SMARCC2: variants seen among roughly 807,000 people sequenced by gnomAD.
The protein encoded by SMARCC2 is SWI/SNF complex subunit SMARCC2.
Under a neutral mutation model 151.3 loss-of-function variants are expected in SMARCC2, and 15 were observed. The observed-to-expected ratio is 0.10, with a 90% CI of 0.07 to 0.15. SMARCC2 has a LOEUF of 0.15. SMARCC2 is among the 10% of genes least tolerant of loss of function. The pLI, the probability that SMARCC2 is intolerant of heterozygous loss-of-function variation, is 1.00. For synonymous variants in SMARCC2, 590 were observed against 609.5 expected, an observed-to-expected ratio of 0.97 and a Z score of 0.47; for missense variants, 1,031 against 1,599.7, an observed-to-expected ratio of 0.64 and a Z score of 6.06.
At chr12:56,184,009 A>G in intron 6 of SMARCC2, 79 bp from the exon 7 acceptor site, 2 of 1,144,090 alleles carry the variant, frequency 1.7e-6, no homozygotes, top group Non-Finnish European at 2.6e-6. Context: ...GCCCTAACTA[A>G]TGCACTCTCC....
chr12:56,173,499 G>A (rs1479188862), intron 17 of SMARCC2, among the ~76,000 whole-genome samples, 197 bp downstream of exon 17: 2 of 152,138 alleles, frequency 1.3e-5, no homozygotes, highest in African/African-American at 2.4e-5. Context: ...TTCTCCCTCA[G>A]CAATTACAGC....
Position 56,186,157 on chromosome 12 carries a change from T to G in SMARCC2, c.315A>C (p.Gly105=). Residue 105 remains glycine, a splice_region_variant and synonymous_variant, in exon 3 of 29, where the codon GGA becomes GGC. Coordinates refer to ENST00000550164, the MANE Select transcript of SMARCC2 (RefSeq NM_001330288.2). ...AAGAATAGAGAGAATCATCTCACCA[T>G]CCCTGGTCACTCTTGAATTTGTAGG... The part of the protein sequence containing the change: ...AAAYKFKSDQ[G]WRRYDFQNPS... The G allele has an allele frequency of 3.8e-6, 6 of 1,596,674 alleles. No individual in the cohort carries two copies. Among genetic ancestry groups the G allele is most frequent in the Non-Finnish European group, 5.2e-6 (6 of 1,164,120 alleles).
intron 16 of SMARCC2, among the ~76,000 whole-genome samples, chr12:56,174,348 G>C (rs1874529285): frequency 6.6e-6 from 1 of 152,160 alleles, no homozygotes; most frequent in Non-Finnish European, 1.5e-5. Flanking sequence ...CTGGGCTCCA[G>C]CAATCCTCCC....
intron 26 of SMARCC2, among the ~76,000 whole-genome samples, chr12:56,167,717 G>A (rs1373299082): frequency 2.0e-5 from 3 of 151,962 alleles, no homozygotes; most frequent in South Asian, 2.1e-4. Flanking sequence ...ACCAACTAGA[G>A]TCCCTGCCTC....
At chr12:56,167,545 T>C (rs1873036200) in intron 26 of SMARCC2, among the ~76,000 whole-genome samples, 2 of 152,102 alleles carry the variant, frequency 1.3e-5, no homozygotes, top group Non-Finnish European at 2.9e-5. Flanking sequence ...GACAAAATGG[T>C]TCAACACTGT....
chr12:56,166,957 G>A (rs148373390), intron 26 of SMARCC2, among the ~76,000 whole-genome samples: 2,160 of 151,852 alleles, frequency 0.014, 108 homozygotes, highest in Admixed American at 0.1. Context: ...CCAGCTACTC[G>A]GGAGGTGAGG....
In SMARCC2 at chr12:56,172,481, C is replaced by A; in HGVS notation, c.1873G>T (p.Ala625Ser). ...GTCCACTCACGAGTGGCACTGGCTG[C>A]AGCCTTGCTCTGCAGGGGAAACACA... ...KKNVPSKSKAAASATREWTEQ... is the reference protein window; with the variant it reads ...KKNVPSKSKASASATREWTEQ... Residue 625 changes from alanine (A) to serine (S), a missense_variant, in exon 20 of 29, where the codon GCA becomes TCA. Ala to Ser is a moderately conservative substitution (Grantham distance 99, BLOSUM62 1). This residue lies in a region of SMARCC2 where 99 missense variants were observed against 148.3 expected (regional missense o/e 0.67). Transcript: ENST00000550164. 1 of 1,599,394 alleles carries A rather than the reference C, an allele frequency of 6.3e-7. No individual in the cohort carries two copies. The highest frequency in any genetic ancestry group is 8.5e-7 in the Non-Finnish European group (1 of 1,171,134).
chr12:56,162,563 G>A lies in SMARCC2; in HGVS notation c.*1126C>T. 2.1e-6 allele frequency: 1 copy of A among 475,824 alleles called. No individual in the cohort carries two copies. Among genetic ancestry groups the A allele is most frequent in the South Asian group, 3.1e-5 (1 of 32,434 alleles). The allele number at this position is 475,824 out of a possible 1,614,324, so 29.5% of individuals were successfully genotyped here. On this transcript the variant is annotated 3_prime_UTR_variant, in exon 29 of 29. Transcript: ENST00000550164. ...AGTCACACCTGCCTTCCCGTCACAGGGGAGAAGCTGGGACACGTGGAGCAG... is the reference window on the plus strand; with the variant it reads ...AGTCACACCTGCCTTCCCGTCACAGAGGAGAAGCTGGGACACGTGGAGCAG...
Position 56,178,002 on chromosome 12 carries a change from A to G in SMARCC2, c.1382+20T>C. On this transcript the variant is annotated intron_variant, in intron 15 of 28. Transcript: ENST00000550164. ...GGGGACAGGAGGGAGAAGGAGAATC[A>G]TGAGATGAGATTTCCTTACATCTCT... 3.3e-6 allele frequency: 5 copies of G among 1,535,846 alleles called. No homozygotes were observed. Among genetic ancestry groups the G allele is most frequent in the Non-Finnish European group, 4.5e-6 (5 of 1,112,570 alleles).
intron 18 of SMARCC2, 107 bp from the exon 19 acceptor site, chr12:56,172,811 C>T: frequency 1.9e-6 from 3 of 1,560,078 alleles, no homozygotes; most frequent in Non-Finnish European, 2.6e-6. Context: ...AAGCCAGGGA[C>T]ACCCCTGGGT....
intron 26 of SMARCC2, among the ~76,000 whole-genome samples, chr12:56,167,268 T>C (rs976192050): frequency 6.6e-6 from 1 of 151,534 alleles, no homozygotes; most frequent in Non-Finnish European, 1.5e-5. Flanking sequence ...GGAGAATCGC[T>C]TCCCAGGAGG....
chr12:56,187,847 C>T (rs897833651), intron 1 of SMARCC2, among the ~76,000 whole-genome samples: 3 of 152,118 alleles, frequency 2.0e-5, no homozygotes, highest in Non-Finnish European at 4.4e-5. Context: ...CATAGGCCCT[C>T]CTAGACAGGA....
intron 15 of SMARCC2, among the ~76,000 whole-genome samples, 173 bp downstream of exon 15, chr12:56,177,849 A>T (rs1875332813): frequency 6.6e-6 from 1 of 152,260 alleles, no homozygotes; most frequent in Admixed American, 6.5e-5. Flanking sequence ...ATGTGTCTAC[A>T]TGCTAGGCCA....
At chr12:56,186,468 A>G in intron 2 of SMARCC2, 1 of 498,950 alleles carries the variant, frequency 2.0e-6, no homozygotes, top group Non-Finnish European at 3.6e-6. Flanking sequence ...CTCCTGTCTC[A>G]GCCTCCTGAG....
chr12:56,167,254 G>C (rs1017810229), intron 26 of SMARCC2, among the ~76,000 whole-genome samples: 4 of 151,720 alleles, frequency 2.6e-5, no homozygotes, highest in Non-Finnish European at 5.9e-5. Flanking sequence ...GGGAGGCTGA[G>C]GCAGGAGAAT....
chr12:56,186,163 G>A lies in SMARCC2; in HGVS notation c.309C>T (p.Asp103=), dbSNP rs1877200899. ...ILAAAYKFKS[D]QGWRRYDFQN... ...AGAGAGAATCATCTCACCATCCCTG[G>A]TCACTCTTGAATTTGTAGGCAGCTG... Residue 103 remains aspartate, a synonymous_variant, in exon 3 of 29, where the codon GAC becomes GAT. Coordinates refer to ENST00000550164, the MANE Select transcript of SMARCC2 (RefSeq NM_001330288.2). The A allele has an allele frequency of 3.1e-6, 5 of 1,602,432 alleles. No individual in the cohort carries two copies. The highest frequency in any genetic ancestry group is 2.2e-5 in the South Asian group (2 of 90,852).
chr12:56,172,099 G>A lies in SMARCC2; in HGVS notation c.1927-162C>T, dbSNP rs927924334. 4 of 633,724 alleles carry A rather than the reference G, an allele frequency of 6.3e-6. No individual in the cohort carries two copies. In the East Asian group the frequency reaches 8.8e-5, roughly 14 times the overall value. The allele number at this position is 633,724 out of a possible 1,614,324, so 39.3% of individuals were successfully genotyped here. ...GGGATCTTGAAGTAGCACTAAGAAA[G>A]GATATGAAGTTAATGAAATGGCCCA... On this transcript the variant is annotated intron_variant, in intron 20 of 28. Coordinates refer to ENST00000550164, the MANE Select transcript of SMARCC2 (RefSeq NM_001330288.2).
intron 8 of SMARCC2, 47 bp downstream of exon 8, chr12:56,181,957 G>A (rs549332920): frequency 6.9e-6 from 11 of 1,584,246 alleles, no homozygotes; most frequent in South Asian, 5.6e-5. Flanking sequence ...AGGGTAGACT[G>A]TTCCTGGCAT....
chr12:56,170,261 TG>T (rs1450168182), intron 22 of SMARCC2, 53 bp from the exon 23 acceptor site: 1 of 1,442,402 alleles, frequency 6.9e-7, no homozygotes, highest in African/African-American at 1.5e-5. Flanking sequence ...CACAGTCGTC[TG>T]TGTCTAACAC....
Sources: allele counts gnomAD v4.1 joint callset (sites outside exome capture counted in the v4.1 genomes callset), GRCh38; gene constraint gnomAD v4.1.1; regional missense constraint gnomAD v4.1.1; transcripts MANE v1.5; gene names NCBI Gene and HGNC (gene_info 2026-07-23, HGNC 2026-07-21).